The following PTPRD variants were observed in gnomAD, a reference collection of about 807,000 sequenced individuals.
PTPRD encodes receptor-type tyrosine-protein phosphatase delta.
Under a neutral mutation model 214.5 loss-of-function variants are expected in PTPRD, and 34 were observed. The ratio of observed to expected loss-of-function variants is 0.16; its 90% CI spans 0.12 to 0.21. The LOEUF (loss-of-function observed/expected upper bound fraction) is 0.21, where lower values mean the gene tolerates loss of function less well. Ranked by LOEUF, PTPRD falls within the 10% of genes least tolerant of loss-of-function variation. The pLI is 1.00. For synonymous variants in PTPRD, 1,128 were observed against 845.7 expected (o/e 1.33, Z -5.79); for missense variants, 2,545 against 2,398.7 (o/e 1.06, Z -1.27).
chr9:9,332,164 A>G (rs1182207597), intron 9 of PTPRD, among the ~76,000 whole-genome samples: 1 of 152,128 alleles, frequency 6.6e-6, no homozygotes, highest in African/African-American at 2.4e-5. Context: ...GAATGTGGAT[A>G]TCTCAAATAT....
At chr9:9,640,111 G>C (rs1218734674) in intron 7 of PTPRD, among the ~76,000 whole-genome samples, 1 of 152,198 alleles carries the variant, frequency 6.6e-6, no homozygotes, top group African/African-American at 2.4e-5. Flanking sequence ...TGTGGGATGA[G>C]TAGACCTTGA....
intron 9 of PTPRD, among the ~76,000 whole-genome samples, chr9:9,190,500 GC>G (rs977120842): frequency 6.6e-6 from 1 of 151,776 alleles, no homozygotes; most frequent in Non-Finnish European, 1.5e-5. Context: ...TGATTCTGAG[GC>G]CCCCCCAGCC....
chr9:9,440,318 C>T (rs528037768), intron 8 of PTPRD, among the ~76,000 whole-genome samples: 88 of 152,138 alleles, frequency 5.8e-4, no homozygotes, highest in African/African-American at 2.0e-3. Context: ...TTTGGTTTGT[C>T]CATTTGCTTT....
intron 35 of PTPRD, among the ~76,000 whole-genome samples, chr9:8,410,394 G>A (rs982286942): frequency 1.3e-5 from 2 of 152,136 alleles, no homozygotes; most frequent in African/African-American, 4.8e-5. Flanking sequence ...ACTTGGGTCT[G>A]TTTGCTCTGT....
chr9:10,314,515 G>C (rs2096367419), intron 3 of PTPRD, among the ~76,000 whole-genome samples: 1 of 151,928 alleles, frequency 6.6e-6, no homozygotes, highest in Non-Finnish European at 1.5e-5. Flanking sequence ...TTGAGTTTAT[G>C]TTGGCACATC....
At chr9:9,908,390 C>T (rs991622381) in intron 5 of PTPRD, among the ~76,000 whole-genome samples, 4 of 152,048 alleles carry the variant, frequency 2.6e-5, no homozygotes, top group African/African-American at 9.6e-5. Flanking sequence ...AGGGGTCTCT[C>T]CAGCCTGTCT....
intron 8 of PTPRD, among the ~76,000 whole-genome samples, chr9:9,503,888 T>C (rs2096499725): frequency 1.3e-5 from 2 of 151,812 alleles, no homozygotes; most frequent in Non-Finnish European, 2.9e-5. Context: ...AAAATACTTC[T>C]GAGAGGACAT....
chr9:9,401,487 A>G (rs2382005), intron 8 of PTPRD, among the ~76,000 whole-genome samples: 133,348 of 152,070 alleles, frequency 0.88, 58,617 homozygotes, highest in African/African-American at 0.91. Flanking sequence ...AAAGGAACTG[A>G]GTATGAAGGG....
At chr9:8,757,685 C>T (rs1012906720) in intron 11 of PTPRD, among the ~76,000 whole-genome samples, 3 of 145,480 alleles carry the variant, frequency 2.1e-5, no homozygotes, top group African/African-American at 5.1e-5. Context: ...TATATATATA[C>T]ATAAAAACAT....
intron 10 of PTPRD, among the ~76,000 whole-genome samples, chr9:9,072,491 A>G (rs750077316): frequency 3.2e-4 from 48 of 152,294 alleles, no homozygotes; most frequent in Non-Finnish European, 3.2e-4. Context: ...GCTGCTTACT[A>G]TCTTTCAAGA....
At chr9:9,263,527 T>C (rs925422024) in intron 9 of PTPRD, among the ~76,000 whole-genome samples, 6 of 151,818 alleles carry the variant, frequency 4.0e-5, no homozygotes, top group South Asian at 2.1e-4. Context: ...TTTGATCTGA[T>C]GTAACTTCAT....
intron 8 of PTPRD, among the ~76,000 whole-genome samples, chr9:9,411,934 G>A (rs2075567812): frequency 6.6e-6 from 1 of 152,186 alleles, no homozygotes; most frequent in African/African-American, 2.4e-5. Flanking sequence ...GACCAACCCT[G>A]TCATTTTACA....
At chr9:8,880,869 C>G (rs1399175657) in intron 11 of PTPRD, among the ~76,000 whole-genome samples, 1 of 152,132 alleles carries the variant, frequency 6.6e-6, no homozygotes, top group Non-Finnish European at 1.5e-5. Context: ...ACAGCAGCCT[C>G]AACTTCCTGG....
intron 6 of PTPRD, among the ~76,000 whole-genome samples, chr9:9,745,641 G>T (rs1311023387): frequency 6.6e-6 from 1 of 152,060 alleles, no homozygotes; most frequent in African/African-American, 2.4e-5. Context: ...CTGAACTCAA[G>T]AGCAGAAAGT....
At chr9:10,191,823 T>C (rs532604473) in intron 3 of PTPRD, among the ~76,000 whole-genome samples, 1 of 152,314 alleles carries the variant, frequency 6.6e-6, no homozygotes, top group South Asian at 2.1e-4. Context: ...TTCTTAGCTA[T>C]TTGCTTATTT....
intron 3 of PTPRD, among the ~76,000 whole-genome samples, chr9:10,195,881 A>G (rs557301748): frequency 5.9e-5 from 9 of 152,286 alleles, no homozygotes; most frequent in African/African-American, 1.9e-4. Context: ...CACTATGTTA[A>G]GTAAAAGTAG....
At chr9:10,213,395 C>T (rs923472770) in intron 3 of PTPRD, among the ~76,000 whole-genome samples, 1 of 152,008 alleles carries the variant, frequency 6.6e-6, no homozygotes, top group Non-Finnish European at 1.5e-5. Flanking sequence ...CCTTTCCAGA[C>T]CAAGGCTTAT....
At chr9:8,910,488 G>A (rs1018198141) in intron 11 of PTPRD, among the ~76,000 whole-genome samples, 3 of 152,062 alleles carry the variant, frequency 2.0e-5, no homozygotes, top group Non-Finnish European at 4.4e-5. Flanking sequence ...ATGTGGAACT[G>A]GTGGCTTTAC....
At chr9:9,531,405 T>G (rs950418331) in intron 8 of PTPRD, among the ~76,000 whole-genome samples, 1 of 152,142 alleles carries the variant, frequency 6.6e-6, no homozygotes, top group African/African-American at 2.4e-5. Flanking sequence ...CTCTTGTGTA[T>G]AAGTGATTTT....
Sources: gnomAD v4.1 joint callset for allele counts (sites outside exome capture counted in the v4.1 genomes callset) on GRCh38, gnomAD v4.1.1 for gene constraint, MANE v1.5 for transcripts, NCBI Gene and HGNC (gene_info 2026-07-23, HGNC 2026-07-21) for gene names.